Variants in PCDH15 observed in about 807,000 individuals in gnomAD.
The protein encoded by PCDH15 is protocadherin-15.
A neutral mutation model predicts 178.5 loss-of-function variants in PCDH15; 129 were observed. The ratio of observed to expected loss-of-function variants is 0.72; its 90% CI spans 0.63 to 0.84. PCDH15 has a LOEUF of 0.84. Ranked by LOEUF, PCDH15 falls within the 40% of genes least tolerant of loss-of-function variation. The pLI, the probability that PCDH15 is intolerant of heterozygous loss-of-function variation, is 0.00. For missense variants in PCDH15, 2,230 were observed against 2,099.9 expected (o/e 1.06, Z -1.21); for synonymous variants, 800 against 732.0 (o/e 1.09, Z -1.50).
At chr10:54,836,601 T>G (rs2133756742) in intron 3 of PCDH15, among the ~76,000 whole-genome samples, 1 of 152,200 alleles carries the variant, frequency 6.6e-6, no homozygotes. Flanking sequence ...TTGAAAAAGA[T>G]ATAAATAATC....
intron 2 of PCDH15, among the ~76,000 whole-genome samples, chr10:54,936,358 T>C (rs1345838925): frequency 6.6e-6 from 1 of 152,054 alleles, no homozygotes; most frequent in African/African-American, 2.4e-5. Context: ...CAGGTTTGTG[T>C]ATAGTCGCAT....
intron 1 of PCDH15, among the ~76,000 whole-genome samples, chr10:54,692,963 G>A (rs542287908): frequency 5.3e-5 from 8 of 151,978 alleles, no homozygotes; most frequent in African/African-American, 1.2e-4. Context: ...GTGCAGGTTC[G>A]TTACATAGGT....
At chr10:54,973,411 T>C (rs1838986338) in intron 2 of PCDH15, among the ~76,000 whole-genome samples, 2 of 152,244 alleles carry the variant, frequency 1.3e-5, no homozygotes, top group South Asian at 4.1e-4. Flanking sequence ...TGCACATTTG[T>C]AACCCAAGGG....
chr10:54,076,193 C>T (rs532787629), intron 17 of PCDH15, among the ~76,000 whole-genome samples: 1 of 152,034 alleles, frequency 6.6e-6, no homozygotes, highest in Admixed American at 6.5e-5. Flanking sequence ...TAAGTTAATT[C>T]CTGAGTATTT....
intron 2 of PCDH15, among the ~76,000 whole-genome samples, chr10:54,918,143 C>G (rs1204780349): frequency 6.6e-6 from 1 of 151,996 alleles, no homozygotes; most frequent in African/African-American, 2.4e-5. Context: ...CTTGTTAAGG[C>G]CTTTATTTTG....
intron 2 of PCDH15, among the ~76,000 whole-genome samples, chr10:54,531,505 A>G (rs2083923873): frequency 6.6e-6 from 1 of 152,166 alleles, no homozygotes; most frequent in Non-Finnish European, 1.5e-5. Flanking sequence ...CCTGAATTTT[A>G]AGAGCATGTT....
At chr10:55,140,077 T>C (rs2132087520) in intron 2 of PCDH15, among the ~76,000 whole-genome samples, 1 of 152,122 alleles carries the variant, frequency 6.6e-6, no homozygotes, top group South Asian at 2.1e-4. Context: ...TCATTTCTAG[T>C]ACAGAGAAAT....
Position 53,828,377 on chromosome 10 carries a change from G to A in PCDH15, c.4211+188C>T, listed in dbSNP as rs4570494. On this transcript the variant is annotated intron_variant, in intron 31 of 37. Coordinates refer to ENST00000644397, the MANE Select transcript of PCDH15 (RefSeq NM_001384140.1). The stretch of plus-strand genomic sequence containing the variant: ...TAGGCAAACTATCTTTTTCACATTT[G>A]TGCAAGTTACGTCCAATTGTCTAAA... 0.58 allele frequency among the ~76,000 whole-genome samples: 87,420 copies of A among 151,834 alleles called. 26,049 individuals carry two copies. Among genetic ancestry groups the A allele is most frequent in the East Asian group, 0.99 (5,142 of 5,170 alleles).
intron 1 of PCDH15, among the ~76,000 whole-genome samples, chr10:55,202,557 A>G (rs1467047260): frequency 6.6e-6 from 1 of 152,088 alleles, no homozygotes; most frequent in African/African-American, 2.4e-5. Flanking sequence ...CCTATTGAAG[A>G]AAGGAGGTAG....
At chr10:55,519,285 T>TA (rs34476517) in intron 2 of PCDH15, among the ~76,000 whole-genome samples, 1,758 of 134,124 alleles carry the variant, frequency 0.013, 32 homozygotes, top group East Asian at 0.058. Flanking sequence ...ATGCTGAGTG[T>TA]AAAAAAAAAA....
chr10:55,502,839 CTTT>C (rs981995383), intron 2 of PCDH15, among the ~76,000 whole-genome samples: 1 of 151,282 alleles, frequency 6.6e-6, no homozygotes, highest in African/African-American at 2.4e-5. Flanking sequence ...ACTTGTTATT[CTTT>C]TTTTTCGTGT....
intron 1 of PCDH15, among the ~76,000 whole-genome samples, chr10:55,246,461 T>C (rs970820669): frequency 6.6e-6 from 1 of 152,194 alleles, no homozygotes; most frequent in Non-Finnish European, 1.5e-5. Flanking sequence ...AAGGCTCAAG[T>C]TGCAAAAGAA....
chr10:54,389,354 A>G (rs7922953), intron 3 of PCDH15, among the ~76,000 whole-genome samples: 130,139 of 152,164 alleles, frequency 0.86, 55,883 homozygotes, highest in East Asian at 0.99. Flanking sequence ...CTCCTCTAAA[A>G]TAGGGCTTCT....
intron 2 of PCDH15, among the ~76,000 whole-genome samples, chr10:55,146,441 G>T (rs1838513359): frequency 6.6e-6 from 1 of 151,898 alleles, no homozygotes; most frequent in African/African-American, 2.4e-5. Context: ...AGAGGCAAAA[G>T]GAAGATGGAA....
chr10:54,209,312 T>C (rs2051153862), intron 10 of PCDH15, among the ~76,000 whole-genome samples: 1 of 152,104 alleles, frequency 6.6e-6, no homozygotes. Context: ...TGTGAAAAGA[T>C]GGACAAGATG....
chr10:54,060,363 C>A (rs2093987687), intron 18 of PCDH15, among the ~76,000 whole-genome samples: 1 of 152,120 alleles, frequency 6.6e-6, no homozygotes, highest in African/African-American at 2.4e-5. Context: ...AGTGCAACTA[C>A]CGTATTTCGA....
intron 15 of PCDH15, among the ~76,000 whole-genome samples, chr10:54,119,444 A>C (rs556924204): frequency 6.6e-6 from 1 of 152,242 alleles, no homozygotes; most frequent in South Asian, 2.1e-4. Context: ...GACAAAAATA[A>C]AGAAAAAAGA....
chr10:54,194,438 C>A (rs933554434), intron 11 of PCDH15, among the ~76,000 whole-genome samples: 1 of 152,042 alleles, frequency 6.6e-6, no homozygotes, highest in Non-Finnish European at 1.5e-5. Context: ...AGTACAGTTA[C>A]ACAGTAATTC....
chr10:54,311,216 C>T (rs2060883430), intron 8 of PCDH15, among the ~76,000 whole-genome samples: 1 of 151,944 alleles, frequency 6.6e-6, no homozygotes, highest in African/African-American at 2.4e-5. Flanking sequence ...TGTTGAAATA[C>T]TGAAAACCAC....
Sources: gnomAD v4.1 joint callset for allele counts (sites outside exome capture counted in the v4.1 genomes callset) on GRCh38, gnomAD v4.1.1 for gene constraint, MANE v1.5 for transcripts, NCBI Gene and HGNC (gene_info 2026-07-23, HGNC 2026-07-21) for gene names.